PKP4: variants seen among roughly 807,000 people sequenced by gnomAD.
PKP4 encodes the protein plakophilin 4.
In PKP4, 90 loss-of-function variants were observed where a neutral mutation model predicts 145.1. That is an observed-to-expected ratio of 0.62 (90% CI 0.52 to 0.74). The LOEUF (loss-of-function observed/expected upper bound fraction) is 0.74. Ranked by LOEUF, PKP4 falls within the 30% of genes least tolerant of loss-of-function variation. The pLI, the probability that PKP4 is intolerant of heterozygous loss-of-function variation, is 0.00. For synonymous variants in PKP4, 563 were observed against 577.2 expected, an observed-to-expected ratio of 0.98 and a Z score of 0.35; for missense variants, 1,340 against 1,482.7, an observed-to-expected ratio of 0.90 and a Z score of 1.58.
chr2:158,491,665 T>C (rs1694957555), intron 1 of PKP4, among the ~76,000 whole-genome samples: 1 of 152,072 alleles, frequency 6.6e-6, no homozygotes, highest in Non-Finnish European at 1.5e-5. Context: ...TGAACAGAAA[T>C]CATTAAATGT....
At position 158,680,603 on chromosome 2, in the gene PKP4, G is replaced by A. The variant is rs1345411727; in HGVS notation, c.3505G>A (p.Val1169Ile). ...TGGACTGAAATCGACCACAAATTAT[G>A]TAGACTTTTATTCCACTAAACGACC... is the stretch of plus-strand genomic sequence containing the variant. ...QYGLKSTTNY[V>I]DFYSTKRPSY... Residue 1169 changes from valine (V) to isoleucine (I), a missense_variant, in exon 22 of 22, where the codon GTA (valine) becomes ATA (isoleucine). Coordinates refer to ENST00000389759, the MANE Select transcript of PKP4 (RefSeq NM_003628.6). 2 of 1,613,938 alleles carry A rather than the reference G, an allele frequency of 1.2e-6. No individual in the cohort carries two copies. The highest frequency in any genetic ancestry group is 2.2e-5 in the East Asian group (1 of 44,862).
intron 3 of PKP4, among the ~76,000 whole-genome samples, chr2:158,585,468 T>C (rs987342534): frequency 1.3e-5 from 2 of 152,220 alleles, no homozygotes; most frequent in Admixed American, 6.5e-5. Context: ...CAGGTTTCGA[T>C]TGATATTACT....
intron 8 of PKP4, among the ~76,000 whole-genome samples, chr2:158,632,306 T>C (rs2105914739): frequency 6.6e-6 from 1 of 152,332 alleles, no homozygotes; most frequent in African/African-American, 2.4e-5. Flanking sequence ...TTGGAGAAAA[T>C]CCATACATGA....
At position 158,673,669 on chromosome 2, in the gene PKP4, C is replaced by T; in HGVS notation, c.2925-8C>T. ...CCACATTCATTAATATCCTTGCTCT[C>T]TACCTAGATCATCTCTGAAAGTGGT... is the stretch of plus-strand genomic sequence containing the variant. On this transcript the variant is annotated splice_polypyrimidine_tract_variant and splice_region_variant and intron_variant, in intron 17 of 21. Transcript: ENST00000389759. The T allele has an allele frequency of 6.2e-7, 1 of 1,601,790 alleles. No homozygotes were observed. The highest frequency in any genetic ancestry group is 8.5e-7 in the Non-Finnish European group (1 of 1,169,928).
chr2:158,610,555 A>C (rs955695333), intron 4 of PKP4, among the ~76,000 whole-genome samples: 1 of 152,176 alleles, frequency 6.6e-6, no homozygotes, highest in African/African-American at 2.4e-5. Context: ...TCAATAATAA[A>C]AATAGCTACA....
intron 2 of PKP4, among the ~76,000 whole-genome samples, chr2:158,539,020 T>G (rs1019566484): frequency 6.6e-6 from 1 of 152,188 alleles, no homozygotes; most frequent in Non-Finnish European, 1.5e-5. Context: ...AGTGTATGCT[T>G]CTTTTGTTAT....
At chr2:158,613,571 C>G (rs972173893) in intron 4 of PKP4, among the ~76,000 whole-genome samples, 2 of 152,090 alleles carry the variant, frequency 1.3e-5, no homozygotes, top group African/African-American at 4.8e-5. Context: ...GGGACTTGGA[C>G]AGCAATAGTG....
rs148716377 is a variant in PKP4, at chr2:158,520,882, G to A, written c.-5-12298G>A. 4.8e-3 allele frequency among the ~76,000 whole-genome samples: 733 copies of A among 152,248 alleles called. 1 individual carries two copies. The highest frequency in any genetic ancestry group is 0.016 in the African/African-American group (670 of 41,544). ...CCTTGCTTCTTTTATTCAGTATTACGGTTGACAGTCATCCTTGTTTTATAG... is the reference window on the plus strand; with the variant it reads ...CCTTGCTTCTTTTATTCAGTATTACAGTTGACAGTCATCCTTGTTTTATAG... On this transcript the variant is annotated intron_variant, in intron 1 of 21. Transcript: ENST00000389759.
At chr2:158,504,351 T>C (rs1369592088) in intron 1 of PKP4, among the ~76,000 whole-genome samples, 4 of 152,216 alleles carry the variant, frequency 2.6e-5, no homozygotes, top group Non-Finnish European at 4.4e-5. Flanking sequence ...AATGAACAAT[T>C]GTCCTACTTC....
chr2:158,637,255 C>G (rs2883862), intron 9 of PKP4, among the ~76,000 whole-genome samples: 72,768 of 151,838 alleles, frequency 0.48, 18,447 homozygotes, highest in East Asian at 0.78. Context: ...ACCCCTAAAA[C>G]TTGGCCTTTG....
intron 2 of PKP4, among the ~76,000 whole-genome samples, chr2:158,566,800 A>G (rs572476582): frequency 3.3e-5 from 5 of 152,278 alleles, no homozygotes; most frequent in African/African-American, 4.8e-5. Context: ...CTCAACTACA[A>G]GACTGAACTA....
chr2:158,550,134 G>A (rs994977200), intron 2 of PKP4, among the ~76,000 whole-genome samples: 1 of 102,516 alleles, frequency 9.8e-6, no homozygotes, highest in African/African-American at 2.7e-5. Flanking sequence ...TTACTTTTCT[G>A]CCAAGAAGAA....
intron 1 of PKP4, among the ~76,000 whole-genome samples, chr2:158,530,094 C>A (rs139889141): frequency 2.2e-4 from 34 of 152,274 alleles, no homozygotes; most frequent in African/African-American, 8.2e-4. Context: ...TAATATCATA[C>A]ACGCCCCACT....
At chr2:158,516,598 G>A (rs895013358) in intron 1 of PKP4, among the ~76,000 whole-genome samples, 4 of 151,506 alleles carry the variant, frequency 2.6e-5, no homozygotes, top group Non-Finnish European at 5.9e-5. Flanking sequence ...AGAAAAACCA[G>A]TATGGGCTAA....
At chr2:158,633,149 C>G (rs1171752372) in intron 8 of PKP4, among the ~76,000 whole-genome samples, 1 of 152,206 alleles carries the variant, frequency 6.6e-6, no homozygotes, top group Non-Finnish European at 1.5e-5. Flanking sequence ...AATAGTCTGT[C>G]TATATCCATG....
chr2:158,522,470 GC>G (rs2042466068), intron 1 of PKP4, among the ~76,000 whole-genome samples: 1 of 152,158 alleles, frequency 6.6e-6, no homozygotes, highest in African/African-American at 2.4e-5. Context: ...CAATTATACT[GC>G]CAGTTTCACA....
At position 158,567,079 on chromosome 2, in the gene PKP4, A is replaced by G. The variant is rs148661702; in HGVS notation, c.133-10192A>G. ...CTGTAATAAGGGAGTAAATCATAAA[A>G]TCACCCTGAATTACTTACCAGAGTT... On this transcript the variant is annotated intron_variant, in intron 2 of 21. Coordinates refer to ENST00000389759, the MANE Select transcript of PKP4 (RefSeq NM_003628.6). Among the ~76,000 whole-genome samples, 308 of 152,272 alleles carry G rather than the reference A, an allele frequency of 2.0e-3. 2 individuals carry two copies. Among genetic ancestry groups the G allele is most frequent in the Non-Finnish European group, 3.8e-3 (257 of 68,024 alleles).
chr2:158,603,157 C>T, intron 4 of PKP4, 53 bp downstream of exon 4: 2 of 978,598 alleles, frequency 2.0e-6, no homozygotes, highest in African/African-American at 1.7e-5. Context: ...ATTACATAGC[C>T]TACTCTCTTA....
intron 3 of PKP4, among the ~76,000 whole-genome samples, chr2:158,597,574 G>T (rs2049863448): frequency 6.6e-6 from 1 of 152,158 alleles, no homozygotes; most frequent in African/African-American, 2.4e-5. Context: ...ATTCTGGAAG[G>T]ATGATTGTTG....
Sources: allele counts gnomAD v4.1 joint callset (sites outside exome capture counted in the v4.1 genomes callset), GRCh38; gene constraint gnomAD v4.1.1; transcripts MANE v1.5; gene names NCBI Gene and HGNC (gene_info 2026-07-23, HGNC 2026-07-21).